Variants in EPHA3 observed in about 807,000 individuals in gnomAD.
EPHA3 encodes EPH receptor A3.
A neutral mutation model predicts 107.1 loss-of-function variants in EPHA3; 42 were observed. The ratio of observed to expected loss-of-function variants is 0.39; its 90% confidence interval spans 0.31 to 0.51. The LOEUF is 0.51. EPHA3 is among the 20% of genes least tolerant of loss of function. The probability of loss-of-function intolerance (pLI) is 0.78; values close to 1 mark genes in which losing one functional copy is unlikely to be tolerated. For synonymous variants in EPHA3, 461 were observed against 424.8 expected (o/e 1.09, Z -1.05); for missense variants, 1,183 against 1,211.2 (o/e 0.98, Z 0.35).
intron 6 of EPHA3, among the ~76,000 whole-genome samples, chr3:89,396,683 C>A (rs1439678393): frequency 6.6e-6 from 1 of 151,908 alleles, no homozygotes; most frequent in African/African-American, 2.4e-5. Context: ...TATGTTTAAA[C>A]CTTAGAATCA....
chr3:89,146,355 G>T (rs797017059), intron 2 of EPHA3, among the ~76,000 whole-genome samples: 4 of 151,648 alleles, frequency 2.6e-5, no homozygotes, highest in African/African-American at 9.7e-5. Flanking sequence ...AATTCAGATA[G>T]GCCAAAAAAA....
chr3:89,224,713 G>A (rs1704459677), intron 3 of EPHA3, among the ~76,000 whole-genome samples: 1 of 151,946 alleles, frequency 6.6e-6, no homozygotes, highest in East Asian at 1.9e-4. Context: ...GCTGGGAGTG[G>A]TGTCATGCAT....
intron 10 of EPHA3, among the ~76,000 whole-genome samples, chr3:89,415,816 A>G (rs555847504): frequency 5.9e-5 from 9 of 151,452 alleles, no homozygotes; most frequent in Non-Finnish European, 1.2e-4. Context: ...TTAGATAGGT[A>G]TTATTATCTC....
chr3:89,203,564 G>A (rs1254000235), intron 2 of EPHA3, among the ~76,000 whole-genome samples: 1 of 151,696 alleles, frequency 6.6e-6, no homozygotes, highest in African/African-American at 2.4e-5. Flanking sequence ...ACGCGGTCAG[G>A]AGATCGAGAC....
chr3:89,204,608 ATGTGTGTG>A (rs71621535), intron 2 of EPHA3, among the ~76,000 whole-genome samples: 17 of 148,768 alleles, frequency 1.1e-4, no homozygotes, highest in African/African-American at 4.2e-4. Flanking sequence ...CTGTGTGTAA[ATGTGTGTG>A]TGTGTGTGTG....
At chr3:89,121,573 A>C (rs1707386500) in intron 1 of EPHA3, among the ~76,000 whole-genome samples, 1 of 152,114 alleles carries the variant, frequency 6.6e-6, no homozygotes, top group Non-Finnish European at 1.5e-5. Flanking sequence ...CCTGGCCAAC[A>C]TAGTGAAACC....
intron 5 of EPHA3, among the ~76,000 whole-genome samples, chr3:89,348,522 C>T: frequency 7.3e-6 from 1 of 136,262 alleles, no homozygotes. Context: ...CTTTATTAGT[C>T]TTGCTAGCGG....
intron 2 of EPHA3, among the ~76,000 whole-genome samples, chr3:89,206,018 C>T (rs577624428): frequency 2.6e-5 from 4 of 152,038 alleles, no homozygotes; most frequent in African/African-American, 4.8e-5. Flanking sequence ...AGAAAATATT[C>T]ATTTAAGAAT....
At chr3:89,432,149 T>C (rs1709581608) in intron 13 of EPHA3, among the ~76,000 whole-genome samples, 1 of 152,122 alleles carries the variant, frequency 6.6e-6, no homozygotes, top group African/African-American at 2.4e-5. Flanking sequence ...TTCATAATTG[T>C]TATGAGCCTC....
intron 3 of EPHA3, among the ~76,000 whole-genome samples, chr3:89,304,977 C>T (rs1324479061): frequency 6.6e-6 from 1 of 151,992 alleles, no homozygotes; most frequent in Non-Finnish European, 1.5e-5. Context: ...TTGATGTTGG[C>T]CTTCTTTAGC....
chr3:89,284,850 G>C (rs928602519), intron 3 of EPHA3, among the ~76,000 whole-genome samples: 2 of 152,120 alleles, frequency 1.3e-5, no homozygotes, highest in African/African-American at 4.8e-5. Context: ...TGTGTTAGCC[G>C]ATGCGGTGGC....
At chr3:89,120,793 A>G (rs544315108) in intron 1 of EPHA3, among the ~76,000 whole-genome samples, 10 of 152,344 alleles carry the variant, frequency 6.6e-5, no homozygotes, top group Non-Finnish European at 1.3e-4. Flanking sequence ...AGATCTTTAT[A>G]GAAATAAATC....
chr3:89,321,162 C>CT (rs546359472), intron 3 of EPHA3, among the ~76,000 whole-genome samples: 7 of 151,680 alleles, frequency 4.6e-5, no homozygotes, highest in Admixed American at 2.6e-4. Flanking sequence ...AATTTGTTAG[C>CT]TTTTTTTTAA....
intron 1 of EPHA3, among the ~76,000 whole-genome samples, chr3:89,121,800 C>A (rs1459187847): frequency 2.0e-5 from 3 of 150,298 alleles, no homozygotes; most frequent in Non-Finnish European, 4.4e-5. Flanking sequence ...AAAATAAATA[C>A]AAACAGGAAG....
chr3:89,270,820 CAAG>C (rs1166776847), intron 3 of EPHA3, among the ~76,000 whole-genome samples: 1 of 151,862 alleles, frequency 6.6e-6, no homozygotes, highest in Non-Finnish European at 1.5e-5. Flanking sequence ...AATTATTTCT[CAAG>C]CTACATATAA....
chr3:89,236,842 G>A (rs1306964966), intron 3 of EPHA3, among the ~76,000 whole-genome samples: 7 of 152,020 alleles, frequency 4.6e-5, no homozygotes, highest in Admixed American at 2.6e-4. Flanking sequence ...CCATGTAAAC[G>A]TGACTTAGAA....
intron 2 of EPHA3, among the ~76,000 whole-genome samples, chr3:89,148,784 T>G (rs1311319765): frequency 6.6e-6 from 1 of 152,058 alleles, no homozygotes; most frequent in Non-Finnish European, 1.5e-5. Flanking sequence ...GCATCTGAAT[T>G]ATTTTCAATT....
At chr3:89,340,465 T>C (rs911091832) in intron 3 of EPHA3, among the ~76,000 whole-genome samples, 1 of 152,236 alleles carries the variant, frequency 6.6e-6, no homozygotes, top group African/African-American at 2.4e-5. Flanking sequence ...TTTCAGTTGC[T>C]TACACTTTGT....
At chr3:89,130,180 A>G (rs1704175499) in intron 2 of EPHA3, among the ~76,000 whole-genome samples, 1 of 152,182 alleles carries the variant, frequency 6.6e-6, no homozygotes, top group African/African-American at 2.4e-5. Context: ...GTACTGCTAA[A>G]TATCTTCCAA....
Sources: gnomAD v4.1 joint callset for allele counts (sites outside exome capture counted in the v4.1 genomes callset) on GRCh38, gnomAD v4.1.1 for gene constraint, MANE v1.5 for transcripts, NCBI Gene and HGNC (gene_info 2026-07-23, HGNC 2026-07-21) for gene names.